ATP2B2: variants seen among roughly 807,000 people sequenced by gnomAD.
ATP2B2 encodes plasma membrane calcium-transporting ATPase 2.
ATP2B2 carries 15 observed loss-of-function variants against 120.0 expected under a neutral mutation model. The observed-to-expected ratio is 0.12, with a 90% confidence interval of 0.08 to 0.19. The LOEUF is 0.19. Among genes scored for constraint, ATP2B2 ranks in the 10% least tolerant of loss-of-function variants. The pLI is 1.00. For synonymous variants in ATP2B2, 694 were observed against 700.3 expected (o/e 0.99, Z 0.14); for missense variants, 1,045 against 1,719.8 (o/e 0.61, Z 6.94).
At chr3:10,590,375 T>A (rs771720179) in intron 2 of ATP2B2, among the ~76,000 whole-genome samples, 9 of 152,214 alleles carry the variant, frequency 5.9e-5, no homozygotes, top group Admixed American at 5.2e-4. Context: ...TTTGTCAGAA[T>A]TCACAGACCT....
chr3:10,383,798 G>A (rs946232537), intron 8 of ATP2B2, among the ~76,000 whole-genome samples: 1 of 152,206 alleles, frequency 6.6e-6, no homozygotes, highest in Non-Finnish European at 1.5e-5. Context: ...GTTTCCTACA[G>A]TTTCTCTTGG....
intron 2 of ATP2B2, among the ~76,000 whole-genome samples, chr3:10,564,546 C>A (rs2067970810): frequency 6.6e-6 from 1 of 152,208 alleles, no homozygotes; most frequent in East Asian, 1.9e-4. Flanking sequence ...CCTTCCCCTC[C>A]CCTCTCCCCT....
Position 10,346,156 on chromosome 3 carries a change from G to T in ATP2B2, c.2405-19C>A. 1 of 1,606,746 alleles carries T rather than the reference G, an allele frequency of 6.2e-7. No homozygotes were observed. ...ATGATGCCTGTTGGGGCAGGAGTGT[G>T]CTCAGGCCCTGGGCCACTCAGGTGG... On this transcript the variant is annotated intron_variant, in intron 16 of 22. Transcript: ENST00000360273. The surrounding 1 kb of genome is among the most constrained non-coding windows in gnomAD (Gnocchi z 4.1).
At chr3:10,531,671 G>A (rs145694510) in intron 3 of ATP2B2, among the ~76,000 whole-genome samples, 314 of 152,300 alleles carry the variant, frequency 2.1e-3, no homozygotes, top group African/African-American at 6.8e-3. Flanking sequence ...CAATCCAGGC[G>A]TTGGACTTAA....
chr3:10,470,756 AC>A (rs1483219049), intron 1 of ATP2B2, among the ~76,000 whole-genome samples: 1 of 151,986 alleles, frequency 6.6e-6, no homozygotes, highest in African/African-American at 2.4e-5. Context: ...TTTCCAGGGG[AC>A]AGGACCCCAC....
At chr3:10,551,129 G>C (rs1456471914) in intron 2 of ATP2B2, among the ~76,000 whole-genome samples, 1 of 152,200 alleles carries the variant, frequency 6.6e-6, no homozygotes, top group Non-Finnish European at 1.5e-5. Flanking sequence ...AGACAGCAGG[G>C]CATACCAAGT....
chr3:10,450,082 C>G (rs547345052), intron 1 of ATP2B2, among the ~76,000 whole-genome samples: 3 of 152,302 alleles, frequency 2.0e-5, no homozygotes, highest in Admixed American at 2.0e-4. Context: ...ATAACACACT[C>G]TAACTCCCTA....
In ATP2B2 at chr3:10,355,969, G is replaced by T. The variant is rs1027962755; in HGVS notation, c.2136+2722C>A. 1.9e-4 allele frequency among the ~76,000 whole-genome samples: 14 copies of T among 73,660 alleles called. 3 individuals are homozygous for T. Among genetic ancestry groups the T allele is most frequent in the African/African-American group, 6.7e-4 (14 of 20,742 alleles). 48.3% of individuals were successfully genotyped at this position (73,660 alleles called of 152,430 possible). A position where few individuals can be genotyped will look rare whatever the true frequency, so the allele number is the denominator to read the frequency against. On this transcript the variant is annotated intron_variant, in intron 14 of 22. Transcript: ENST00000360273. ...GGGCGCCTGTAGTCCCAGCTACTCG[G>T]GAGGCTGAGGCAGGGGAATGGCGTG...
intron 1 of ATP2B2, among the ~76,000 whole-genome samples, chr3:10,656,066 C>T (rs2125673076): frequency 6.6e-6 from 1 of 152,316 alleles, no homozygotes; most frequent in South Asian, 2.1e-4. Flanking sequence ...GGGGAAAGGT[C>T]TGTCCTGGAG....
rs1024632982 is a variant in ATP2B2, at chr3:10,403,101, A to G, written c.398-753T>C. ...TGCTGCCTCTGCATGATTTTGGGTA[A>G]GTCATTGCCCTTCCCCGGCTTCAGT... On this transcript the variant is annotated intron_variant, in intron 3 of 22. Coordinates refer to ENST00000360273, the MANE Select transcript of ATP2B2 (RefSeq NM_001001331.4). Among the ~76,000 whole-genome samples, 4 of 152,184 alleles carry G rather than the reference A, an allele frequency of 2.6e-5. No individual in the cohort carries two copies. In the South Asian group the frequency reaches 6.2e-4, roughly 24 times the overall value.
At chr3:10,620,553 G>A (rs2125623326) in intron 1 of ATP2B2, among the ~76,000 whole-genome samples, 1 of 152,280 alleles carries the variant, frequency 6.6e-6, no homozygotes, top group East Asian at 1.9e-4. Context: ...AGAAGTGAAA[G>A]CAGGGGGGAT....
chr3:10,462,835 T>C (rs1459240142), intron 1 of ATP2B2, among the ~76,000 whole-genome samples: 5 of 152,178 alleles, frequency 3.3e-5, no homozygotes, highest in East Asian at 1.9e-4. Context: ...TCCCACCTGA[T>C]TGGCTCTGAG....
intron 1 of ATP2B2, among the ~76,000 whole-genome samples, chr3:10,638,087 A>G (rs1410770382): frequency 6.6e-6 from 1 of 152,238 alleles, no homozygotes; most frequent in African/African-American, 2.4e-5. Flanking sequence ...TTTTAGACAT[A>G]AAAAGCTGAA....
chr3:10,551,347 T>C (rs886317672), intron 2 of ATP2B2, among the ~76,000 whole-genome samples: 7 of 152,202 alleles, frequency 4.6e-5, no homozygotes, highest in African/African-American at 1.4e-4. Context: ...CAGTGGTGAA[T>C]GGACGTGCCG....
chr3:10,346,033 T>C lies in ATP2B2; in HGVS notation c.2509A>G (p.Met837Val), dbSNP rs2060422192. 6.2e-7 allele frequency: 1 copy of C among 1,611,222 alleles called. No individual in the cohort carries two copies. The highest frequency in any genetic ancestry group is 8.5e-7 in the Non-Finnish European group (1 of 1,179,872). Residue 837 changes from methionine (M) to valine (V), a missense_variant and splice_region_variant, in exon 17 of 23, where the codon ATG becomes GTG. Met to Val is a conservative substitution (Grantham distance 21). Transcript: ENST00000360273. The surrounding 1 kb of genome is among the most constrained non-coding windows in gnomAD (Gnocchi z 4.1). ...ALKKADVGFAMGIAGTDVAKE... is the reference protein window; with the variant it reads ...ALKKADVGFAVGIAGTDVAKE... The stretch of plus-strand genomic sequence containing the variant: ...GGCCCTCTGTGGGCCGTTCCTACCA[T>C]GGCGAAGCCCACGTCGGCCTTCTTG...
chr3:10,483,132 G>C (rs993066602), intron 1 of ATP2B2, among the ~76,000 whole-genome samples: 3 of 152,216 alleles, frequency 2.0e-5, no homozygotes, highest in African/African-American at 7.2e-5. Flanking sequence ...TTCTCTCCCT[G>C]GTGAGGGTAA....
intron 1 of ATP2B2, among the ~76,000 whole-genome samples, chr3:10,681,316 C>T (rs2071377775): frequency 6.6e-6 from 1 of 152,176 alleles, no homozygotes; most frequent in South Asian, 2.1e-4. Flanking sequence ...GAGGCCTGGC[C>T]CCAGGCCCTT....
In ATP2B2 at chr3:10,324,147, C is replaced by G. The variant is rs2059825216; in HGVS notation, c.*4667G>C. ...AAATAAAGAGTGTACAATAAGAGCA[C>G]AGTCACTTCCCAGCCCCGATTGTCC... On this transcript the variant is annotated 3_prime_UTR_variant, in exon 23 of 23. Coordinates refer to ENST00000360273, the MANE Select transcript of ATP2B2 (RefSeq NM_001001331.4). The G allele has an allele frequency of 6.6e-6, 1 of 152,076 alleles. No homozygotes were observed. Among genetic ancestry groups the G allele is most frequent in the South Asian group, 2.1e-4 (1 of 4,820 alleles). 9.4% of individuals were successfully genotyped at this position (152,076 alleles called of 1,614,324 possible).
In ATP2B2 at chr3:10,375,619, C is replaced by A. The variant is rs979835259; in HGVS notation, c.1227G>T (p.Val409=). Residue 409 remains valine (V), a synonymous_variant, in exon 11 of 23, where the codon GTG becomes GTT. Transcript: ENST00000360273. This position sits in a 1 kb window ranked among gnomAD's most constrained non-coding sequence, Gnocchi z 4.2. ...CAGTGAAGTAGAGCACCAGGATGAT[C>A]ACCGTGATGGCTGACATCACCAAGC... ...KAGLVMSAIT[V]IILVLYFTVD... is the part of the protein sequence containing the mutation. 6.2e-7 allele frequency: 1 copy of A among 1,613,600 alleles called. No individual in the cohort carries two copies. Among genetic ancestry groups the A allele is most frequent in the Non-Finnish European group, 8.5e-7 (1 of 1,180,026 alleles).
Sources: gnomAD v4.1 joint callset for allele counts (sites outside exome capture counted in the v4.1 genomes callset) on GRCh38, gnomAD v4.1.1 for gene constraint, Gnocchi (gnomAD v3.1) non-coding constraint, MANE v1.5 for transcripts, NCBI Gene and HGNC (gene_info 2026-07-23, HGNC 2026-07-21) for gene names.